Variants in PTPRT observed in about 807,000 individuals in gnomAD.
PTPRT encodes the protein receptor-type tyrosine-protein phosphatase T.
PTPRT carries 56 observed loss-of-function variants against 176.8 expected under a neutral mutation model. That is an observed-to-expected ratio of 0.32 (90% CI 0.26 to 0.40). PTPRT has a LOEUF of 0.40. Among genes scored for constraint, PTPRT ranks in the 10% least tolerant of loss-of-function variants. The pLI is 1.00. For missense variants in PTPRT, 1,540 were observed against 1,908.2 expected (o/e 0.81, Z 3.60); for synonymous variants, 783 against 739.0 (o/e 1.06, Z -0.96).
At chr20:42,151,982 C>T (rs762777256) in intron 17 of PTPRT, among the ~76,000 whole-genome samples, 7 of 152,162 alleles carry the variant, frequency 4.6e-5, no homozygotes, top group South Asian at 4.1e-4. Context: ...TTGTGGTCCA[C>T]GGGTTCAGTT....
intron 1 of PTPRT, among the ~76,000 whole-genome samples, chr20:43,026,949 C>T (rs1985938345): frequency 1.3e-5 from 2 of 152,032 alleles, no homozygotes; most frequent in South Asian, 4.2e-4. Context: ...GTATATGTAC[C>T]ACAATTTCTT....
At chr20:42,704,694 C>T (rs566504870) in intron 6 of PTPRT, among the ~76,000 whole-genome samples, 10 of 152,210 alleles carry the variant, frequency 6.6e-5, no homozygotes, top group Non-Finnish European at 2.9e-5. Flanking sequence ...CTGCTACTTC[C>T]CTATGCTGCA....
At chr20:42,433,354 A>G (rs2059232518) in intron 9 of PTPRT, among the ~76,000 whole-genome samples, 2 of 152,192 alleles carry the variant, frequency 1.3e-5, no homozygotes, top group Admixed American at 6.5e-5. Flanking sequence ...GGATGAACCA[A>G]TGAGTGAGGG....
At chr20:42,237,397 T>C (rs2146863606) in intron 14 of PTPRT, among the ~76,000 whole-genome samples, 1 of 152,302 alleles carries the variant, frequency 6.6e-6, no homozygotes, top group Non-Finnish European at 1.5e-5. Context: ...ATCTGTCCCT[T>C]AGGTCCATTA....
intron 7 of PTPRT, among the ~76,000 whole-genome samples, chr20:42,620,854 G>T (rs2145856130): frequency 6.6e-6 from 1 of 152,274 alleles, no homozygotes; most frequent in South Asian, 2.1e-4. Flanking sequence ...ACTCCCTAGT[G>T]AGATAAACCC....
chr20:42,203,052 A>C (rs992701136), intron 15 of PTPRT, among the ~76,000 whole-genome samples: 2 of 152,226 alleles, frequency 1.3e-5, no homozygotes, highest in Non-Finnish European at 2.9e-5. Context: ...TTAGTATTTA[A>C]AGCTGATGGC....
intron 1 of PTPRT, among the ~76,000 whole-genome samples, chr20:43,123,397 C>T (rs1023023602): frequency 6.6e-6 from 1 of 152,150 alleles, no homozygotes; most frequent in Non-Finnish European, 1.5e-5. Flanking sequence ...CTACTCTTTC[C>T]TTTCTTATTG....
intron 1 of PTPRT, among the ~76,000 whole-genome samples, chr20:43,103,913 ATCTC>A (rs951561642): frequency 6.6e-6 from 1 of 152,192 alleles, no homozygotes; most frequent in African/African-American, 2.4e-5. Context: ...TTTAACTTCT[ATCTC>A]TCATCTAATA....
At chr20:42,731,026 A>C (rs2076452545) in intron 6 of PTPRT, among the ~76,000 whole-genome samples, 1 of 152,160 alleles carries the variant, frequency 6.6e-6, no homozygotes, top group Non-Finnish European at 1.5e-5. Context: ...ACCCAACCTA[A>C]GATACTCCCT....
chr20:42,613,489 G>T (rs2074009365), intron 7 of PTPRT, among the ~76,000 whole-genome samples: 1 of 152,206 alleles, frequency 6.6e-6, no homozygotes. Flanking sequence ...TTCCCTCTGA[G>T]AATATATAAG....
intron 1 of PTPRT, among the ~76,000 whole-genome samples, chr20:42,978,289 C>G (rs1983072594): frequency 1.3e-5 from 2 of 152,228 alleles, no homozygotes; most frequent in African/African-American, 4.8e-5. Flanking sequence ...CTCTTTATCT[C>G]TCTTTCTCAA....
chr20:43,083,343 T>TATATATATATATACAC lies in PTPRT; in HGVS notation c.88+106302_88+106303insGTGTATATATATATAT, dbSNP rs1568774045. Among the ~76,000 whole-genome samples, 272 of 115,312 alleles carry TATATATATATATACAC rather than the reference T, an allele frequency of 2.4e-3. 10 individuals are homozygous for TATATATATATATACAC. Among genetic ancestry groups the TATATATATATATACAC allele is most frequent in the Non-Finnish European group, 3.6e-3 (198 of 54,814 alleles). The allele number at this position is 115,312 out of a possible 152,430, so 75.6% of individuals were successfully genotyped here. A position where few individuals can be genotyped will look rare whatever the true frequency, so the allele number is the denominator to read the frequency against. ...ATGTATATATATATATATATATATA[T>TATATATATATATACAC]ATATATATATATATATATATATATA... On this transcript the variant is annotated intron_variant, in intron 1 of 30. Transcript: ENST00000373187.
chr20:42,297,373 A>G (rs1436620413), intron 12 of PTPRT, among the ~76,000 whole-genome samples: 1 of 152,182 alleles, frequency 6.6e-6, no homozygotes, highest in African/African-American at 2.4e-5. Context: ...ACTTTACAGC[A>G]CCCATGAAAG....
intron 2 of PTPRT, among the ~76,000 whole-genome samples, chr20:42,877,421 C>T (rs1383985715): frequency 6.6e-6 from 1 of 152,102 alleles, no homozygotes; most frequent in Non-Finnish European, 1.5e-5. Context: ...CACTGAGACT[C>T]AACACAATGA....
At chr20:42,793,133 C>G (rs1162852542) in intron 2 of PTPRT, among the ~76,000 whole-genome samples, 1 of 152,078 alleles carries the variant, frequency 6.6e-6, no homozygotes, top group Non-Finnish European at 1.5e-5. Context: ...GTGAAAAGCA[C>G]AGAGAAACCT....
At chr20:42,495,271 C>T (rs2071633814) in intron 7 of PTPRT, among the ~76,000 whole-genome samples, 1 of 152,160 alleles carries the variant, frequency 6.6e-6, no homozygotes, top group African/African-American at 2.4e-5. Flanking sequence ...TGTCTTAGGT[C>T]ACTGGGTAAG....
At chr20:42,166,269 C>T (rs1259123966) in intron 16 of PTPRT, among the ~76,000 whole-genome samples, 1 of 152,196 alleles carries the variant, frequency 6.6e-6, no homozygotes, top group Admixed American at 6.5e-5. Context: ...TCACCCAGCA[C>T]TATCCAAAAG....
intron 7 of PTPRT, among the ~76,000 whole-genome samples, chr20:42,589,441 C>G (rs1601328940): frequency 6.6e-6 from 1 of 152,174 alleles, no homozygotes; most frequent in South Asian, 2.1e-4. Context: ...CAGCAACTTC[C>G]ATTTGAGCAG....
At position 42,256,532 on chromosome 20, in the gene PTPRT, C is replaced by T. The variant is rs756602069; in HGVS notation, c.2177-7710G>A. Among the ~76,000 whole-genome samples the T allele has an allele frequency of 1.4e-4, 21 of 151,352 alleles. 1 individual carries two copies. In the Middle Eastern group the frequency reaches 0.014, roughly 99 times the overall value. ...AAAAAAATGTATTTCAGATACTTTA[C>T]GCTAGTGTGATGTTGATACAGGAAA... On this transcript the variant is annotated intron_variant, in intron 13 of 30. Coordinates refer to ENST00000373187, the MANE Select transcript of PTPRT (RefSeq NM_007050.6).
Sources: gnomAD v4.1 joint callset for allele counts (sites outside exome capture counted in the v4.1 genomes callset) on GRCh38, gnomAD v4.1.1 for gene constraint, MANE v1.5 for transcripts, NCBI Gene and HGNC (gene_info 2026-07-23, HGNC 2026-07-21) for gene names.